Variants in CCAR1 observed in about 807,000 individuals in gnomAD.
The protein encoded by CCAR1 is cell division cycle and apoptosis regulator protein 1.
In CCAR1, 78 loss-of-function variants were observed where a neutral mutation model predicts 163.8. The observed-to-expected ratio is 0.48, with a 90% CI of 0.40 to 0.57. CCAR1 has a LOEUF of 0.57. Ranked by LOEUF, CCAR1 falls within the 20% of genes least tolerant of loss-of-function variation. The probability of loss-of-function intolerance (pLI) is 0.00; values close to 1 mark genes in which losing one functional copy is unlikely to be tolerated. For synonymous variants in CCAR1, 443 were observed against 460.7 expected (o/e 0.96, Z 0.49); for missense variants, 1,019 against 1,365.2 (o/e 0.75, Z 4.00).
At chr10:68,738,016 A>G in intron 4 of CCAR1, 127 bp downstream of exon 4, 2 of 609,752 alleles carry the variant, frequency 3.3e-6, no homozygotes, top group Non-Finnish European at 5.7e-6. Flanking sequence ...GGGAGGGGCT[A>G]GAGTAAATAG....
At chr10:68,771,861 T>C (rs1340503665) in intron 18 of CCAR1, among the ~76,000 whole-genome samples, 1 of 151,302 alleles carries the variant, frequency 6.6e-6, no homozygotes, top group African/African-American at 2.4e-5. Flanking sequence ...TACTTTATTC[T>C]TAAAATTTTT....
At chr10:68,728,798 T>C (rs2055987556) in intron 2 of CCAR1, among the ~76,000 whole-genome samples, 1 of 151,902 alleles carries the variant, frequency 6.6e-6, no homozygotes, top group South Asian at 2.1e-4. Flanking sequence ...CTACTAAAAA[T>C]ACAAAAATAA....
rs1024927312 is a variant in CCAR1, at chr10:68,749,744, A to C, written c.1118+59A>C. On this transcript the variant is annotated intron_variant, in intron 10 of 24. Coordinates refer to ENST00000265872, the MANE Select transcript of CCAR1 (RefSeq NM_018237.4). Reference sequence around the variant, plus strand: ...TACTAATTTCATATAATTTGATAGAATATGTCACAGAGGTATTTTTCTTGC... The same window carrying C: ...TACTAATTTCATATAATTTGATAGACTATGTCACAGAGGTATTTTTCTTGC... 224 of 1,422,244 alleles carry C rather than the reference A, an allele frequency of 1.6e-4. 1 individual carries two copies. The highest frequency in any genetic ancestry group is 1.8e-4 in the Middle Eastern group (1 of 5,598). The allele number at this position is 1,422,244 out of a possible 1,614,324, so 88.1% of individuals were successfully genotyped here.
At chr10:68,735,523 G>GC (rs992681338) in intron 2 of CCAR1, among the ~76,000 whole-genome samples, 2 of 151,986 alleles carry the variant, frequency 1.3e-5, no homozygotes, top group African/African-American at 4.8e-5. Context: ...TCCTATCTCA[G>GC]CCCCCTGAGT....
intron 9 of CCAR1, 71 bp downstream of exon 9, chr10:68,749,336 T>A (rs2056301293): frequency 7.1e-7 from 1 of 1,415,892 alleles, no homozygotes; most frequent in Admixed American, 2.6e-5. Flanking sequence ...TTAATGCCAC[T>A]GAACTATGCT....
At chr10:68,788,411 C>A in intron 23 of CCAR1, 83 bp downstream of exon 23, 1 of 914,768 alleles carries the variant, frequency 1.1e-6, no homozygotes, top group Non-Finnish European at 1.6e-6. Flanking sequence ...TACATATATA[C>A]GTACCTGTGT....
chr10:68,759,657 A>C (rs1260816319), intron 15 of CCAR1, among the ~76,000 whole-genome samples: 3 of 152,022 alleles, frequency 2.0e-5, no homozygotes, highest in African/African-American at 7.3e-5. Flanking sequence ...TTGGAAGGTC[A>C]ATGCTGCCGC....
chr10:68,737,836 A>G lies in CCAR1; in HGVS notation c.247-9A>G. Reference sequence around the variant, plus strand: ...TTTTTCTTTGAAAAATTTTTTTTTAATCTTTCAGCAATATTCACAACCTCA... The same window carrying G: ...TTTTTCTTTGAAAAATTTTTTTTTAGTCTTTCAGCAATATTCACAACCTCA... On this transcript the variant is annotated splice_polypyrimidine_tract_variant and intron_variant, in intron 3 of 24. Transcript: ENST00000265872. 1.3e-6 allele frequency: 2 copies of G among 1,572,614 alleles called. No individual in the cohort carries two copies. The highest frequency in any genetic ancestry group is 2.3e-5 in the East Asian group (1 of 44,064).
chr10:68,741,262 T>A (rs1441900577), intron 5 of CCAR1, among the ~76,000 whole-genome samples: 1 of 152,082 alleles, frequency 6.6e-6, no homozygotes, highest in South Asian at 2.1e-4. Flanking sequence ...TTGATACTGA[T>A]TTTTGTAGTC....
Position 68,756,678 on chromosome 10 carries a change from A to T in CCAR1, c.1836+195A>T. On this transcript the variant is annotated intron_variant, in intron 14 of 24. Transcript: ENST00000265872. This position sits in a 1 kb window ranked among gnomAD's most constrained non-coding sequence, Gnocchi z 5.1. Reference sequence around the variant, plus strand: ...ATTTCTGTCTTATTATCCTAACTTTAAGAGTGCTGAGACCTCAAAGGAAAA... The same window carrying T: ...ATTTCTGTCTTATTATCCTAACTTTTAGAGTGCTGAGACCTCAAAGGAAAA... 1 of 672,406 alleles carries T rather than the reference A, an allele frequency of 1.5e-6. No homozygotes were observed. Among genetic ancestry groups the T allele is most frequent in the South Asian group, 1.5e-5 (1 of 66,120 alleles). The allele number at this position is 672,406 out of a possible 1,614,324, so 41.7% of individuals were successfully genotyped here.
At chr10:68,767,346 C>A (rs2056548576) in intron 17 of CCAR1, among the ~76,000 whole-genome samples, 1 of 152,158 alleles carries the variant, frequency 6.6e-6, no homozygotes, top group African/African-American at 2.4e-5. Context: ...GAGCTCACTG[C>A]AACCTCTGCC....
At chr10:68,769,076 G>A (rs2056568879) in intron 17 of CCAR1, among the ~76,000 whole-genome samples, 1 of 152,108 alleles carries the variant, frequency 6.6e-6, no homozygotes, top group South Asian at 2.1e-4. Context: ...CCAGATTGAA[G>A]CAATTCTCCT....
At chr10:68,744,963 C>T (rs1221717270) in intron 6 of CCAR1, among the ~76,000 whole-genome samples, 3 of 151,780 alleles carry the variant, frequency 2.0e-5, no homozygotes, top group Admixed American at 6.6e-5. Flanking sequence ...GCTGGGCCAT[C>T]AGGCGTGTAC....
In CCAR1 at chr10:68,747,474, A is replaced by G; in HGVS notation, c.734A>G (p.Gln245Arg). 1 of 1,614,108 alleles carries G rather than the reference A, an allele frequency of 6.2e-7. No individual in the cohort carries two copies. The highest frequency in any genetic ancestry group is 8.5e-7 in the Non-Finnish European group (1 of 1,179,976). The stretch of plus-strand genomic sequence containing the variant: ...GGTGTTCAGACTCAGCCCCAGCCCC[A>G]GTCACTGCTGCAGGCACAGATTTCA... ...TFGVQTQPQP[Q>R]SLLQAQISAA... The change falls in exon 8 of 25, where the codon CAG (glutamine) becomes CGG (arginine). Residue 245 changes from glutamine to arginine, a missense_variant. Physicochemically the swap from Gln to Arg is conservative, Grantham distance 43. This residue lies in a region of CCAR1 where 644 missense variants were observed against 904.4 expected (regional missense o/e 0.71). Transcript: ENST00000265872.
intron 15 of CCAR1, among the ~76,000 whole-genome samples, chr10:68,758,611 G>A: frequency 7.4e-6 from 1 of 135,018 alleles, no homozygotes; most frequent in Admixed American, 7.5e-5. Context: ...ATATATACGT[G>A]TGTGTATATA....
Position 68,747,516 on chromosome 10 carries a change from C to A in CCAR1, c.776C>A (p.Pro259Gln). 2 of 1,614,114 alleles carry A rather than the reference C, an allele frequency of 1.2e-6. No individual in the cohort carries two copies. The highest frequency in any genetic ancestry group is 1.7e-6 in the Non-Finnish European group (2 of 1,180,006). ...QAQISAASIT[P>Q]LLQTQPQPLL... is the part of the protein sequence containing the mutation. ...CAGATTTCAGCAGCTTCTATTACACCACTATTGCAGACTCAACCACAGCCC... is the reference window on the plus strand; with the variant it reads ...CAGATTTCAGCAGCTTCTATTACACAACTATTGCAGACTCAACCACAGCCC... Residue 259 changes from proline to glutamine, a missense_variant, in exon 8 of 25, where the codon CCA becomes CAA. Coordinates refer to ENST00000265872, the MANE Select transcript of CCAR1 (RefSeq NM_018237.4).
intron 17 of CCAR1, among the ~76,000 whole-genome samples, chr10:68,766,865 GT>G (rs1052224089): frequency 3.9e-5 from 6 of 151,960 alleles, no homozygotes; most frequent in Non-Finnish European, 8.8e-5. Flanking sequence ...AGTTTCTGTT[GT>G]TTTTTTGTTG....
intron 2 of CCAR1, among the ~76,000 whole-genome samples, chr10:68,729,800 A>G (rs1414082830): frequency 6.6e-6 from 1 of 151,900 alleles, no homozygotes; most frequent in Non-Finnish European, 1.5e-5. Flanking sequence ...GGGTCTTGCT[A>G]TGTTGCCTAG....
chr10:68,756,600 G>A lies in CCAR1; in HGVS notation c.1836+117G>A, dbSNP rs2056399491. ...ACATGGAGGAACATAACTGGTAACA[G>A]CGACTGGTAATCCAGCTTTCAGCAG... On this transcript the variant is annotated intron_variant, in intron 14 of 24. Coordinates refer to ENST00000265872, the MANE Select transcript of CCAR1 (RefSeq NM_018237.4). The surrounding 1 kb of genome is among the most constrained non-coding windows in gnomAD (Gnocchi z 5.1). 3.6e-6 allele frequency: 3 copies of A among 823,914 alleles called. No individual in the cohort carries two copies. The highest frequency in any genetic ancestry group is 6.1e-6 in the Non-Finnish European group (3 of 490,248). The allele number at this position is 823,914 out of a possible 1,614,324, so 51.0% of individuals were successfully genotyped here.
Sources: gnomAD v4.1 joint callset for allele counts (sites outside exome capture counted in the v4.1 genomes callset) on GRCh38, gnomAD v4.1.1 for gene constraint, gnomAD v4.1.1 regional missense constraint, Gnocchi (gnomAD v3.1) non-coding constraint, MANE v1.5 for transcripts, NCBI Gene and HGNC (gene_info 2026-07-23, HGNC 2026-07-21) for gene names.